Variants in DMD observed in about 807,000 individuals in gnomAD.
The protein encoded by DMD is dystrophin.
DMD carries 63 observed loss-of-function variants against 330.1 expected under a neutral mutation model. That is an observed-to-expected ratio of 0.19 (90% CI 0.16 to 0.24). The LOEUF is 0.24. Ranked by LOEUF, DMD falls within the 10% of genes least tolerant of loss-of-function variation. The pLI, the probability that DMD is intolerant of heterozygous loss-of-function variation, is 1.00. For missense variants in DMD, 3,344 were observed against 2,684.1 expected, an observed-to-expected ratio of 1.25 and a Z score of -5.43; for synonymous variants, 1,223 against 959.8, an observed-to-expected ratio of 1.27 and a Z score of -5.07.
At chrX:33,219,334 G>GTGTGTA (rs2052121956) in intron 1 of DMD, among the ~76,000 whole-genome samples, 1 of 104,018 alleles carries the variant, frequency 9.6e-6, no homozygotes, top group African/African-American at 3.6e-5. Flanking sequence ...GTGTGTGTGT[G>GTGTGTA]TGTGTGTGTG....
At chrX:32,006,969 C>CA (rs1223289338) in intron 44 of DMD, among the ~76,000 whole-genome samples, 1 of 101,594 alleles carries the variant, frequency 9.8e-6, no homozygotes, top group Non-Finnish European at 2.0e-5. Context: ...ATCGCAAGAA[C>CA]AAAAAACCAA....
At chrX:32,923,656 A>G (rs1157497583) in intron 2 of DMD, among the ~76,000 whole-genome samples, 1 of 112,221 alleles carries the variant, frequency 8.9e-6, no homozygotes, top group Non-Finnish European at 1.9e-5. Context: ...TGATTTTATT[A>G]ATAGTGATTA....
At chrX:33,109,234 G>A (rs1470096362) in intron 1 of DMD, among the ~76,000 whole-genome samples, 1 of 111,182 alleles carries the variant, frequency 9.0e-6, no homozygotes, top group East Asian at 2.8e-4. Flanking sequence ...GGTCCCTGCT[G>A]GTTTCTGTTT....
chrX:32,768,398 G>A (rs750826758), intron 7 of DMD, among the ~76,000 whole-genome samples: 21 of 111,655 alleles, frequency 1.9e-4, no homozygotes, highest in African/African-American at 2.9e-4. Flanking sequence ...TTGCCCACTC[G>A]TGGGTTTCAT....
At chrX:31,407,921 T>C (rs886804009) in intron 60 of DMD, among the ~76,000 whole-genome samples, 1 of 111,707 alleles carries the variant, frequency 9.0e-6, no homozygotes, top group African/African-American at 3.3e-5. Context: ...ACACAACATT[T>C]AACCAGAAGA....
intron 44 of DMD, among the ~76,000 whole-genome samples, chrX:32,182,016 T>C (rs1052917795): frequency 8.9e-6 from 1 of 112,151 alleles, no homozygotes; most frequent in Non-Finnish European, 1.9e-5. Context: ...TCTTTGAAAA[T>C]AGCCTAGCCA....
rs865907889 is a variant in DMD at position 32,506,526 on chromosome X, A to T, written c.2293-4684T>A. On this transcript the variant is annotated intron_variant, in intron 18 of 78. Transcript: ENST00000357033. ...TGAGAATAAATTAAGAGTAAAATTT[A>T]AAAAAAATCTATAAGGTAGTAATTT... Among the ~76,000 whole-genome samples, 18 of 110,625 alleles carry T rather than the reference A, an allele frequency of 1.6e-4. 1 individual carries two copies. Among genetic ancestry groups the T allele is most frequent in the South Asian group, 3.9e-4 (1 of 2,594 alleles).
Position 33,299,935 on chromosome X carries a change from T to C in DMD, c.7+39324A>G, listed in dbSNP as rs1282544077. Among the ~76,000 whole-genome samples the C allele has an allele frequency of 4.5e-5, 5 of 112,057 alleles. No homozygotes were observed. The Admixed American group carries it at 4.7e-4, about 11-fold the overall frequency. Reference sequence around the variant, plus strand: ...TGCAAATCCTACAGTGTGAGAGCTCTTTCTTTCTTTATGTTAAATTTCTAA... The same window carrying C: ...TGCAAATCCTACAGTGTGAGAGCTCCTTCTTTCTTTATGTTAAATTTCTAA... On this transcript the variant is annotated intron_variant, in intron 1 of 17. Transcript: ENST00000288447.
At chrX:31,968,716 A>G (rs1194619156) in intron 44 of DMD, among the ~76,000 whole-genome samples, 2 of 111,892 alleles carry the variant, frequency 1.8e-5, no homozygotes, top group Non-Finnish European at 3.8e-5. Context: ...TGTCAGGGAA[A>G]AAAGCACCCT....
chrX:32,413,205 C>T (rs912485978), intron 29 of DMD, among the ~76,000 whole-genome samples: 1 of 110,809 alleles, frequency 9.0e-6, no homozygotes, highest in East Asian at 2.8e-4. Flanking sequence ...TCCATACTTG[C>T]ATGTTATCTC....
chrX:32,334,066 C>A (rs1355876826), intron 41 of DMD, among the ~76,000 whole-genome samples: 3 of 111,669 alleles, frequency 2.7e-5, no homozygotes, highest in Admixed American at 9.6e-5. Context: ...CTCTACTTAA[C>A]CATTAAACTG....
At chrX:33,024,160 CAT>C (rs1451702438) in intron 1 of DMD, among the ~76,000 whole-genome samples, 1 of 111,603 alleles carries the variant, frequency 9.0e-6, no homozygotes, top group African/African-American at 3.2e-5. Context: ...TCTGTAGTCA[CAT>C]AGTCTATAGT....
intron 1 of DMD, among the ~76,000 whole-genome samples, chrX:33,133,117 G>A (rs979768345): frequency 9.2e-6 from 1 of 108,997 alleles, no homozygotes; most frequent in Admixed American, 9.7e-5. Context: ...TAAAGAAATA[G>A]TAGTGGTTAA....
chrX:32,649,559 T>TA (rs1161462889), intron 9 of DMD, among the ~76,000 whole-genome samples: 3,737 of 54,118 alleles, frequency 0.069, 180 homozygotes, highest in Admixed American at 0.12. Context: ...CCGTCTCTTT[T>TA]AAAAAAAAAA....
At chrX:31,687,853 G>C (rs191844908) in intron 52 of DMD, among the ~76,000 whole-genome samples, 27 of 111,551 alleles carry the variant, frequency 2.4e-4, no homozygotes, top group African/African-American at 8.8e-4. Context: ...ATTATTGCAT[G>C]CCTTGAGGTA....
intron 1 of DMD, among the ~76,000 whole-genome samples, chrX:33,309,280 C>T (rs1484897144): frequency 9.0e-6 from 1 of 111,357 alleles, no homozygotes; most frequent in Non-Finnish European, 1.9e-5. Flanking sequence ...CTCTAGCGCG[C>T]TATGTTATTG....
At chrX:32,035,090 T>A (rs984230465) in intron 44 of DMD, among the ~76,000 whole-genome samples, 1 of 111,783 alleles carries the variant, frequency 8.9e-6, no homozygotes, top group Admixed American at 9.6e-5. Context: ...ATATCCATAG[T>A]CCAACCCATC....
intron 13 of DMD, among the ~76,000 whole-genome samples, chrX:32,580,367 T>C (rs1369202300): frequency 1.8e-5 from 2 of 112,252 alleles, no homozygotes; most frequent in African/African-American, 6.5e-5. Context: ...TTCAATCTGC[T>C]AATCATTACA....
chrX:31,869,816 C>T (rs1245114947), intron 48 of DMD, among the ~76,000 whole-genome samples: 2 of 111,258 alleles, frequency 1.8e-5, no homozygotes, highest in Non-Finnish European at 3.8e-5. Context: ...CCGTGCCATG[C>T]TCCAAGAAAT....
Sources: allele counts gnomAD v4.1 joint callset (sites outside exome capture counted in the v4.1 genomes callset), GRCh38; gene constraint gnomAD v4.1.1; transcripts MANE v1.5; gene names NCBI Gene and HGNC (gene_info 2026-07-23, HGNC 2026-07-21).